KATNIP: variants seen among roughly 807,000 people sequenced by gnomAD.
The protein encoded by KATNIP is katanin-interacting protein.
A neutral mutation model predicts 174.0 loss-of-function variants in KATNIP; 126 were observed. The ratio of observed to expected loss-of-function variants is 0.72; its 90% confidence interval spans 0.63 to 0.84. The LOEUF is 0.84. Ranked by LOEUF, KATNIP falls within the 40% of genes least tolerant of loss-of-function variation. The pLI is 0.00. For synonymous variants in KATNIP, 810 were observed against 835.7 expected (o/e 0.97, Z 0.53); for missense variants, 1,958 against 2,109.7 (o/e 0.93, Z 1.41).
intron 8 of KATNIP, among the ~76,000 whole-genome samples, chr16:27,691,536 A>C (rs1413930085): frequency 6.6e-6 from 1 of 152,198 alleles, no homozygotes; most frequent in Non-Finnish European, 1.5e-5. Flanking sequence ...AGCATCAAAA[A>C]GAATTAAAAG....
intron 14 of KATNIP, among the ~76,000 whole-genome samples, chr16:27,734,031 G>C (rs574659009): frequency 6.6e-6 from 1 of 152,160 alleles, no homozygotes; most frequent in East Asian, 1.9e-4. Context: ...GGAGGTGGGG[G>C]CTGGGGTGGG....
intron 2 of KATNIP, among the ~76,000 whole-genome samples, chr16:27,578,708 G>A (rs2141755714): frequency 6.6e-6 from 1 of 152,236 alleles, no homozygotes; most frequent in East Asian, 1.9e-4. Flanking sequence ...TTCCCAAGTA[G>A]GTGAGATTAC....
chr16:27,695,490 C>G (rs967985227), intron 8 of KATNIP, among the ~76,000 whole-genome samples: 1 of 152,232 alleles, frequency 6.6e-6, no homozygotes, highest in African/African-American at 2.4e-5. Context: ...GCGAGGCTCT[C>G]TCTGCCCCTG....
intron 11 of KATNIP, among the ~76,000 whole-genome samples, chr16:27,703,145 C>A (rs1422065260): frequency 2.7e-5 from 4 of 147,272 alleles, no homozygotes; most frequent in Non-Finnish European, 4.5e-5. Context: ...CCAGCCTGGG[C>A]AACAAGAGCA....
At chr16:27,732,012 G>T (rs1227596717) in intron 14 of KATNIP, among the ~76,000 whole-genome samples, 1 of 152,176 alleles carries the variant, frequency 6.6e-6, no homozygotes, top group South Asian at 2.1e-4. Context: ...CGCCGACCCG[G>T]TATTGCCACA....
chr16:27,754,165 A>G lies in KATNIP; in HGVS notation c.3553-8A>G. ...CCCTTTTCCTCTGCTTCTCCAACCC[A>G]TGTGCAGATCCCGGAGCTAGAGCTC... On this transcript the variant is annotated splice_region_variant and splice_polypyrimidine_tract_variant and intron_variant, in intron 17 of 27. Transcript: ENST00000261588. The G allele has an allele frequency of 6.2e-7, 1 of 1,613,432 alleles. No individual in the cohort carries two copies. The highest frequency in any genetic ancestry group is 8.5e-7 in the Non-Finnish European group (1 of 1,179,402).
chr16:27,572,855 C>T (rs911445275), intron 1 of KATNIP, among the ~76,000 whole-genome samples: 9 of 152,350 alleles, frequency 5.9e-5, no homozygotes, highest in African/African-American at 1.7e-4. Context: ...TCCTTTTACA[C>T]ATTGGCCTTA....
At chr16:27,632,950 A>C (rs1404428873) in intron 5 of KATNIP, among the ~76,000 whole-genome samples, 2 of 151,952 alleles carry the variant, frequency 1.3e-5, no homozygotes, top group Non-Finnish European at 2.9e-5. Flanking sequence ...GGGTTTCACC[A>C]TGTTGGCCAG....
intron 5 of KATNIP, among the ~76,000 whole-genome samples, chr16:27,641,251 T>TTA (rs920863787): frequency 1.7e-4 from 26 of 152,200 alleles, no homozygotes; most frequent in African/African-American, 6.0e-4. Context: ...CGATTCTTGG[T>TTA]TATCTTAAGT....
intron 1 of KATNIP, among the ~76,000 whole-genome samples, chr16:27,562,150 G>A (rs934726983): frequency 3.3e-5 from 5 of 152,112 alleles, no homozygotes; most frequent in African/African-American, 1.2e-4. Flanking sequence ...ACCAAAAAAT[G>A]TTATAAATTA....
chr16:27,601,298 G>A (rs897796208), intron 2 of KATNIP, among the ~76,000 whole-genome samples: 2 of 152,194 alleles, frequency 1.3e-5, no homozygotes, highest in African/African-American at 4.8e-5. Flanking sequence ...TAAATGAACA[G>A]AGATACTTTC....
intron 2 of KATNIP, among the ~76,000 whole-genome samples, chr16:27,594,178 C>G (rs767409466): frequency 1.3e-5 from 2 of 151,808 alleles, no homozygotes; most frequent in African/African-American, 4.8e-5. Context: ...GAGGATCACT[C>G]GAGCCCAGGA....
intron 20 of KATNIP, among the ~76,000 whole-genome samples, chr16:27,769,631 G>A (rs1367346713): frequency 1.3e-5 from 2 of 152,216 alleles, no homozygotes; most frequent in African/African-American, 4.8e-5. Context: ...TGCCACCCCT[G>A]AAAGCCGTGG....
intron 14 of KATNIP, among the ~76,000 whole-genome samples, chr16:27,734,678 CAGAG>C (rs1035717123): frequency 5.9e-5 from 9 of 152,228 alleles, no homozygotes; most frequent in Admixed American, 3.3e-4. Context: ...GCCTGGGTGA[CAGAG>C]AGAGACGTCT....
At chr16:27,741,729 C>T (rs2081116130) in intron 15 of KATNIP, among the ~76,000 whole-genome samples, 1 of 152,116 alleles carries the variant, frequency 6.6e-6, no homozygotes, top group Non-Finnish European at 1.5e-5. Context: ...ATGGTAAAAC[C>T]CTGACTCTAC....
At position 27,676,794 on chromosome 16, in the gene KATNIP, C is replaced by T. The variant is rs184936987; in HGVS notation, c.541-935C>T. ...AGGTGATCCTCCCACCTCAACCTCCCGAGTAGCTGGGACTACAGGCATGCA... is the reference window on the plus strand; with the variant it reads ...AGGTGATCCTCCCACCTCAACCTCCTGAGTAGCTGGGACTACAGGCATGCA... On this transcript the variant is annotated intron_variant, in intron 6 of 27. Transcript: ENST00000261588. Among the ~76,000 whole-genome samples, 1,012 of 152,158 alleles carry T rather than the reference C, an allele frequency of 6.7e-3. 7 individuals are homozygous for T. Among genetic ancestry groups the T allele is most frequent in the South Asian group, 0.023 (112 of 4,806 alleles).
chr16:27,611,216 G>A (rs566167779), intron 2 of KATNIP, among the ~76,000 whole-genome samples: 1 of 152,336 alleles, frequency 6.6e-6, no homozygotes, highest in Admixed American at 6.5e-5. Context: ...TGAATATACA[G>A]TGGGTCAGAG....
intron 6 of KATNIP, among the ~76,000 whole-genome samples, chr16:27,667,574 A>AG (rs1036216931): frequency 1.3e-5 from 2 of 152,094 alleles, no homozygotes; most frequent in Non-Finnish European, 2.9e-5. Context: ...TTCCAGGGGC[A>AG]GGGGGTTGGT....
intron 13 of KATNIP, among the ~76,000 whole-genome samples, chr16:27,710,296 G>A (rs1325604788): frequency 2.0e-5 from 3 of 152,180 alleles, no homozygotes; most frequent in Admixed American, 6.5e-5. Flanking sequence ...AGGGGAGGTT[G>A]CAGTGAGCCA....
Sources: allele counts gnomAD v4.1 joint callset (sites outside exome capture counted in the v4.1 genomes callset), GRCh38; gene constraint gnomAD v4.1.1; transcripts MANE v1.5; gene names NCBI Gene and HGNC (gene_info 2026-07-23, HGNC 2026-07-21).